The following SLC9A3 variants were observed in gnomAD, a reference collection of about 807,000 sequenced individuals.
SLC9A3 encodes the protein sodium/hydrogen exchanger 3.
A neutral mutation model predicts 86.8 loss-of-function variants in SLC9A3; 37 were observed. That is an observed-to-expected ratio of 0.43 (90% CI 0.33 to 0.56). The LOEUF (loss-of-function observed/expected upper bound fraction) is 0.56. Among genes scored for constraint, SLC9A3 ranks in the 20% least tolerant of loss-of-function variants. The probability of loss-of-function intolerance (pLI) is 0.06; values close to 1 mark genes in which losing one functional copy is unlikely to be tolerated. For synonymous variants in SLC9A3, 581 were observed against 528.3 expected (o/e 1.10, Z -1.37); for missense variants, 1,011 against 1,171.9 (o/e 0.86, Z 2.00).
At position 491,132 on chromosome 5, in the gene SLC9A3, C is replaced by T. The variant is rs1300797119; in HGVS notation, c.514+637G>A. 1.3e-5 allele frequency among the ~76,000 whole-genome samples: 2 copies of T among 152,204 alleles called. No homozygotes were observed. Among genetic ancestry groups the T allele is most frequent in the Admixed American group, 6.5e-5 (1 of 15,284 alleles). On this transcript the variant is annotated intron_variant, in intron 2 of 16. Transcript: ENST00000264938. The surrounding 1 kb of genome is among the most constrained non-coding windows in gnomAD (Gnocchi z 9.2). Reference sequence around the variant, plus strand: ...CAGGTGCCGGAGGCCTGCGCTCAGCCGTGGGGCCCAGCTGGTCAAAGCTAG... The same window carrying T: ...CAGGTGCCGGAGGCCTGCGCTCAGCTGTGGGGCCCAGCTGGTCAAAGCTAG...
At chr5:512,851 T>C (rs7445970) in intron 1 of SLC9A3, among the ~76,000 whole-genome samples, 135,430 of 152,116 alleles carry the variant, frequency 0.89, 60,560 homozygotes, top group Non-Finnish European at 0.91. Flanking sequence ...GAGGAAGGGC[T>C]GGGCGTGCAG....
In SLC9A3 at chr5:472,642, A is replaced by G. The variant is rs1738427796; in HGVS notation, c.*737T>C. Reference sequence around the variant, plus strand: ...CTGGCTTTAGGAGTCTAAATCCCCAAACGCTGAGCAGACGGAAGACGTTCC... The same window carrying G: ...CTGGCTTTAGGAGTCTAAATCCCCAGACGCTGAGCAGACGGAAGACGTTCC... On this transcript the variant is annotated 3_prime_UTR_variant, in exon 17 of 17. Transcript: ENST00000264938. The G allele has an allele frequency of 2.2e-6, 1 of 461,662 alleles. No homozygotes were observed. The highest frequency in any genetic ancestry group is 2.0e-5 in the African/African-American group (1 of 49,094). 28.6% of individuals were successfully genotyped at this position (461,662 alleles called of 1,614,324 possible).
intron 13 of SLC9A3, 38 bp from the exon 14 acceptor site, chr5:476,130 A>G (rs574933041): frequency 6.2e-7 from 1 of 1,611,984 alleles, no homozygotes; most frequent in South Asian, 1.1e-5. Flanking sequence ...ACCCCGACAC[A>G]GCCACACCCA....
At chr5:521,102 G>A (rs1002000901) in intron 1 of SLC9A3, among the ~76,000 whole-genome samples, 20 of 152,358 alleles carry the variant, frequency 1.3e-4, no homozygotes, top group African/African-American at 4.6e-4. Flanking sequence ...CTCAGTCTGG[G>A]AGGTCTGCGC....
chr5:516,269 C>A (rs1279757341), intron 1 of SLC9A3, among the ~76,000 whole-genome samples: 5 of 151,650 alleles, frequency 3.3e-5, no homozygotes, highest in African/African-American at 1.2e-4. Context: ...GGGATCCCCA[C>A]TGCCTACAGG....
intron 1 of SLC9A3, among the ~76,000 whole-genome samples, chr5:512,483 G>A (rs1733583794): frequency 6.6e-6 from 1 of 150,716 alleles, no homozygotes; most frequent in Non-Finnish European, 1.5e-5. Context: ...TCAAGAATGA[G>A]CCCTAATATA....
At position 477,462 on chromosome 5, in the gene SLC9A3, C is replaced by T. The variant is rs773447561; in HGVS notation, c.1648-18G>A. On this transcript the variant is annotated intron_variant, in intron 10 of 16. Coordinates refer to ENST00000264938, the MANE Select transcript of SLC9A3 (RefSeq NM_004174.4). ...CGCTCTCCCTGTGGTCAGGAAGCAG[C>T]CCGGTCAGTGGCCTGAGCAGCCAAG... The T allele has an allele frequency of 1.9e-6, 3 of 1,586,576 alleles. No individual in the cohort carries two copies. The highest frequency in any genetic ancestry group is 2.6e-6 in the Non-Finnish European group (3 of 1,158,806).
intron 7 of SLC9A3, 87 bp from the exon 8 acceptor site, chr5:482,244 C>T: frequency 5.7e-6 from 6 of 1,043,740 alleles, no homozygotes; most frequent in Non-Finnish European, 7.3e-6. Flanking sequence ...GAGCCACCTG[C>T]CCCGGGGCCC....
intron 1 of SLC9A3, among the ~76,000 whole-genome samples, chr5:519,341 G>A (rs1387627186): frequency 6.6e-6 from 1 of 152,194 alleles, no homozygotes; most frequent in Non-Finnish European, 1.5e-5. Context: ...CCTAAGGGCA[G>A]TTCAGCTGGA....
intron 1 of SLC9A3, among the ~76,000 whole-genome samples, chr5:523,647 C>T (rs1733949568): frequency 6.6e-6 from 1 of 151,846 alleles, no homozygotes. Context: ...GGGAACGCTG[C>T]GCCTGTAGGG....
intron 2 of SLC9A3, 112 bp from the exon 3 acceptor site, chr5:488,588 C>T (rs541248673): frequency 4.4e-5 from 50 of 1,134,896 alleles, no homozygotes; most frequent in African/African-American, 4.8e-5. Flanking sequence ...TGGCTGGCGC[C>T]GGTGGCGTGG....
At chr5:500,647 GAC>G in intron 1 of SLC9A3, among the ~76,000 whole-genome samples, 1 of 98,148 alleles carries the variant, frequency 1.0e-5, no homozygotes, top group Non-Finnish European at 1.8e-5. Flanking sequence ...GGCTGGTGTG[GAC>G]ATGGGGCTAG....
chr5:485,847 A>C (rs138687815), intron 3 of SLC9A3, among the ~76,000 whole-genome samples: 1 of 152,224 alleles, frequency 6.6e-6, no homozygotes, highest in East Asian at 1.9e-4. Flanking sequence ...TTGCAAATGC[A>C]GGCTGGGGTG....
intron 4 of SLC9A3, 69 bp downstream of exon 4, chr5:485,084 A>T: frequency 8.6e-7 from 1 of 1,164,768 alleles, no homozygotes; most frequent in Non-Finnish European, 1.3e-6. Flanking sequence ...CATGGGCTGC[A>T]GGCCAGAGAA....
chr5:473,748 C>T (rs981754956), intron 16 of SLC9A3, among the ~76,000 whole-genome samples: 1 of 152,194 alleles, frequency 6.6e-6, no homozygotes, highest in African/African-American at 2.4e-5. Flanking sequence ...CCTCCCAGGC[C>T]CCCAGAGGGA....
rs893516403 is a variant in SLC9A3, at chr5:496,234, G to A, written c.212-4163C>T. On this transcript the variant is annotated intron_variant, in intron 1 of 16. Coordinates refer to ENST00000264938, the MANE Select transcript of SLC9A3 (RefSeq NM_004174.4). This position sits in a 1 kb window ranked among gnomAD's most constrained non-coding sequence, Gnocchi z 4.7. Reference sequence around the variant, plus strand: ...GCCTTTCCCATGTGCGGTGGCGTCCGAGGGCAGCTCCTGCAGTCTTCAGGG... The same window carrying A: ...GCCTTTCCCATGTGCGGTGGCGTCCAAGGGCAGCTCCTGCAGTCTTCAGGG... Among the ~76,000 whole-genome samples, 1 of 152,156 alleles carries A rather than the reference G, an allele frequency of 6.6e-6. No homozygotes were observed. The highest frequency in any genetic ancestry group is 1.5e-5 in the Non-Finnish European group (1 of 68,044).
At chr5:502,522 C>G (rs567538368) in intron 1 of SLC9A3, among the ~76,000 whole-genome samples, 1 of 152,196 alleles carries the variant, frequency 6.6e-6, no homozygotes, top group African/African-American at 2.4e-5. Flanking sequence ...CCTGGGGCAA[C>G]GGAAGTCACG....
intron 1 of SLC9A3, among the ~76,000 whole-genome samples, chr5:519,947 G>T (rs555803338): frequency 6.6e-6 from 1 of 152,282 alleles, no homozygotes; most frequent in South Asian, 2.1e-4. Context: ...TACCCGTCTC[G>T]CTCCTGCCTG....
chr5:507,358 G>A (rs1270534143), intron 1 of SLC9A3, among the ~76,000 whole-genome samples: 29 of 38,874 alleles, frequency 7.5e-4, no homozygotes, highest in African/African-American at 2.5e-3. Flanking sequence ...TAGTAGAGAC[G>A]GGGTTTCACC....
Sources: gnomAD v4.1 joint callset for allele counts (sites outside exome capture counted in the v4.1 genomes callset) on GRCh38, gnomAD v4.1.1 for gene constraint, Gnocchi (gnomAD v3.1) non-coding constraint, MANE v1.5 for transcripts, NCBI Gene and HGNC (gene_info 2026-07-23, HGNC 2026-07-21) for gene names.